CNTN5: variants seen among roughly 807,000 people sequenced by gnomAD.
CNTN5 encodes contactin-5.
A neutral mutation model predicts 129.1 loss-of-function variants in CNTN5; 77 were observed. That is an observed-to-expected ratio of 0.60 (90% CI 0.50 to 0.72). CNTN5 has a LOEUF of 0.72. Ranked by LOEUF, CNTN5 falls within the 30% of genes least tolerant of loss-of-function variation. The pLI, the probability that CNTN5 is intolerant of heterozygous loss-of-function variation, is 0.00. For synonymous variants in CNTN5, 509 were observed against 465.6 expected (o/e 1.09, Z -1.20); for missense variants, 1,478 against 1,328.8 (o/e 1.11, Z -1.75).
intron 1 of CNTN5, among the ~76,000 whole-genome samples, chr11:99,054,897 A>C (rs1244616532): frequency 6.6e-6 from 1 of 151,988 alleles, no homozygotes; most frequent in East Asian, 1.9e-4. Flanking sequence ...GAGTGTTAGG[A>C]AGTTCGTTAA....
chr11:99,131,826 G>A (rs1440221768), intron 1 of CNTN5, among the ~76,000 whole-genome samples: 1 of 152,142 alleles, frequency 6.6e-6, no homozygotes, highest in Non-Finnish European at 1.5e-5. Flanking sequence ...GAGGTACAAA[G>A]AGGAGCTGGT....
At chr11:100,288,883 G>T (rs1477470048) in intron 18 of CNTN5, among the ~76,000 whole-genome samples, 1 of 152,006 alleles carries the variant, frequency 6.6e-6, no homozygotes, top group African/African-American at 2.4e-5. Context: ...AAGAAAAAAA[G>T]AGAGAAGAAT....
chr11:100,298,072 G>A (rs1951134016), intron 19 of CNTN5, among the ~76,000 whole-genome samples: 1 of 151,266 alleles, frequency 6.6e-6, no homozygotes, highest in South Asian at 2.1e-4. Context: ...GGGGTGTGAA[G>A]AATACATTTA....
At chr11:99,153,295 A>T (rs1056951209) in intron 1 of CNTN5, among the ~76,000 whole-genome samples, 5 of 152,068 alleles carry the variant, frequency 3.3e-5, no homozygotes, top group African/African-American at 1.2e-4. Context: ...GTCTTTATAC[A>T]TTATCCCATA....
chr11:100,052,090 A>G (rs1942985466), intron 9 of CNTN5, among the ~76,000 whole-genome samples: 1 of 151,952 alleles, frequency 6.6e-6, no homozygotes, highest in African/African-American at 2.4e-5. Context: ...TTAAAAAGCA[A>G]TTTATATAAT....
At chr11:99,726,139 C>T (rs1943329991) in intron 3 of CNTN5, among the ~76,000 whole-genome samples, 1 of 152,174 alleles carries the variant, frequency 6.6e-6, no homozygotes, top group East Asian at 1.9e-4. Flanking sequence ...TCTGGGGCCA[C>T]ATCCACCATC....
intron 14 of CNTN5, 72 bp downstream of exon 14, chr11:100,191,325 T>C: frequency 7.6e-7 from 1 of 1,315,002 alleles, no homozygotes; most frequent in Non-Finnish European, 1.0e-6. Context: ...AAATATAATA[T>C]AAATGCATAT....
chr11:100,277,183 C>T lies in CNTN5; in HGVS notation c.2314+5942C>T, dbSNP rs550359330. 1.1e-4 allele frequency among the ~76,000 whole-genome samples: 16 copies of T among 152,256 alleles called. No individual in the cohort carries two copies. The South Asian group carries it at 1.9e-3, about 18-fold the overall frequency. On this transcript the variant is annotated intron_variant, in intron 18 of 24. Coordinates refer to ENST00000524871, the MANE Select transcript of CNTN5 (RefSeq NM_014361.4). ...TCTTTTGTATGGCTCAATAATACTA[C>T]GTTGTGTACAAGTACCACATTTTCT...
chr11:99,518,444 C>T (rs936130428), intron 2 of CNTN5, among the ~76,000 whole-genome samples: 1 of 152,018 alleles, frequency 6.6e-6, no homozygotes, highest in African/African-American at 2.4e-5. Context: ...AAACCTCTAG[C>T]GACAAATCAT....
Position 99,469,374 on chromosome 11 carries a change from T to C in CNTN5, c.-70-86771T>C, listed in dbSNP as rs77379449. 1.8e-3 allele frequency among the ~76,000 whole-genome samples: 272 copies of C among 152,268 alleles called. 5 individuals carry two copies. In the East Asian group the frequency reaches 0.05, roughly 28 times the overall value. On this transcript the variant is annotated intron_variant, in intron 2 of 24. Transcript: ENST00000524871. Reference sequence around the variant, plus strand: ...TCCTGTTTCAAAATTATCTATTTCTTACAGTCCGTAGAGATTGTATATAAA... The same window carrying C: ...TCCTGTTTCAAAATTATCTATTTCTCACAGTCCGTAGAGATTGTATATAAA...
At chr11:99,822,149 A>G (rs752916488) in intron 4 of CNTN5, among the ~76,000 whole-genome samples, 1 of 152,008 alleles carries the variant, frequency 6.6e-6, no homozygotes, top group South Asian at 2.1e-4. Flanking sequence ...AAGTCATCCC[A>G]CTCCTGTTCA....
intron 21 of CNTN5, among the ~76,000 whole-genome samples, chr11:100,318,921 A>C (rs1390979776): frequency 1.3e-5 from 2 of 152,194 alleles, no homozygotes; most frequent in East Asian, 1.9e-4. Context: ...TTATTTTCCA[A>C]AGGGCAAGGC....
intron 2 of CNTN5, among the ~76,000 whole-genome samples, chr11:99,499,246 T>C (rs1162719393): frequency 1.3e-5 from 2 of 152,182 alleles, no homozygotes; most frequent in Non-Finnish European, 2.9e-5. Context: ...AAAAATGTTA[T>C]ACCTAGTGCT....
At chr11:100,157,206 G>A (rs1202213464) in intron 13 of CNTN5, among the ~76,000 whole-genome samples, 3 of 151,700 alleles carry the variant, frequency 2.0e-5, no homozygotes, top group South Asian at 2.1e-4. Context: ...ACATAATGAA[G>A]TATAAACATT....
chr11:100,315,161 A>AT (rs1951552237), intron 21 of CNTN5, among the ~76,000 whole-genome samples: 1 of 152,184 alleles, frequency 6.6e-6, no homozygotes, highest in Non-Finnish European at 1.5e-5. Flanking sequence ...CCTGCAGAAC[A>AT]GCAGTAAGGA....
chr11:99,046,618 C>T (rs574065940), intron 1 of CNTN5, among the ~76,000 whole-genome samples: 52 of 152,024 alleles, frequency 3.4e-4, no homozygotes, highest in African/African-American at 1.0e-3. Context: ...GAATTTAAGC[C>T]GAGAAAGGTA....
intron 2 of CNTN5, among the ~76,000 whole-genome samples, chr11:99,518,977 C>G (rs1947166189): frequency 1.3e-5 from 2 of 152,034 alleles, no homozygotes; most frequent in Non-Finnish European, 2.9e-5. Flanking sequence ...CCAGAGTTAA[C>G]TTTTGAAAAC....
At chr11:99,225,865 G>T (rs1250605125) in intron 1 of CNTN5, among the ~76,000 whole-genome samples, 1 of 152,042 alleles carries the variant, frequency 6.6e-6, no homozygotes, top group Non-Finnish European at 1.5e-5. Context: ...ATGTCCAAAT[G>T]GATAAGGATG....
chr11:100,209,730 C>A (rs1483699861), intron 15 of CNTN5, among the ~76,000 whole-genome samples: 1 of 152,086 alleles, frequency 6.6e-6, no homozygotes, highest in Non-Finnish European at 1.5e-5. Flanking sequence ...TTGATAAAAA[C>A]AAAAGCAGGT....
Sources: allele counts gnomAD v4.1 joint callset (sites outside exome capture counted in the v4.1 genomes callset), GRCh38; gene constraint gnomAD v4.1.1; transcripts MANE v1.5; gene names NCBI Gene and HGNC (gene_info 2026-07-23, HGNC 2026-07-21).